The following TG variants were observed in gnomAD, a reference collection of about 807,000 sequenced individuals.
The protein encoded by TG is thyroid hormones.
In TG, 270 loss-of-function variants were observed where a neutral mutation model predicts 324.7. The observed-to-expected ratio is 0.83, with a 90% CI of 0.75 to 0.92. The LOEUF (loss-of-function observed/expected upper bound fraction) is 0.92. Ranked by LOEUF, TG falls within the 40% of genes least tolerant of loss-of-function variation. TG has a pLI of 0.00. For synonymous variants in TG, 1,401 were observed against 1,327.0 expected, an observed-to-expected ratio of 1.06 and a Z score of -1.21; for missense variants, 3,591 against 3,456.4, an observed-to-expected ratio of 1.04 and a Z score of -0.98.
intron 26 of TG, among the ~76,000 whole-genome samples, chr8:132,945,669 T>C (rs991715585): frequency 1.3e-5 from 2 of 152,038 alleles, no homozygotes; most frequent in Non-Finnish European, 2.9e-5. Context: ...TAAAGGGGGA[T>C]GGAGCTGATC....
Position 132,877,626 on chromosome 8 carries a change from G to T in TG, c.639-4237G>T, listed in dbSNP as rs1295201822. Among the ~76,000 whole-genome samples the T allele has an allele frequency of 3.3e-5, 5 of 152,184 alleles. No homozygotes were observed. The South Asian group carries it at 1.0e-3, about 31-fold the overall frequency. On this transcript the variant is annotated intron_variant, in intron 5 of 47. Transcript: ENST00000220616. ...GATGCCCAGTGGAGACCAGAATTTC[G>T]CATTCCTCTGAGCCTTGGTTGTAAT... is the stretch of plus-strand genomic sequence containing the variant.
At position 132,873,053 on chromosome 8, in the gene TG, A is replaced by C; in HGVS notation, c.479-9A>C. The stretch of plus-strand genomic sequence containing the variant: ...TATATAAGGATTTTTTTTTCGTGAA[A>C]ATGTTTAGGTCCAAGGAGCTGTGAA... On this transcript the variant is annotated splice_polypyrimidine_tract_variant and intron_variant, in intron 4 of 47. Transcript: ENST00000220616. 1.9e-6 allele frequency: 3 copies of C among 1,613,910 alleles called. No individual in the cohort carries two copies. Among genetic ancestry groups the C allele is most frequent in the Non-Finnish European group, 2.5e-6 (3 of 1,179,950 alleles).
Position 132,936,709 on chromosome 8 carries a change from G to A in TG, c.5041+845G>A, listed in dbSNP as rs541926859. ...CCCTGGAATCCTGAGGTCTGCGCTC[G>A]CTCTTCTGCCCCACCCTGCTCACCC... On this transcript the variant is annotated intron_variant, in intron 25 of 47. Coordinates refer to ENST00000220616, the MANE Select transcript of TG (RefSeq NM_003235.5). Among the ~76,000 whole-genome samples the A allele has an allele frequency of 1.6e-4, 24 of 152,272 alleles. No individual in the cohort carries two copies. In the South Asian group the frequency reaches 3.1e-3, roughly 20 times the overall value.
chr8:132,873,102 C>T lies in TG; in HGVS notation c.519C>T (p.His173=), dbSNP rs746600614. The change falls in exon 5 of 48, where the codon CAC becomes CAT. Residue 173 remains histidine, a synonymous_variant. Coordinates refer to ENST00000220616, the MANE Select transcript of TG (RefSeq NM_003235.5). ...SCEIRNRRLL[H]GVGDKSPPQC... ...AAATAAGAAATCGTCGTCTTCTCCA[C>T]GGGGTGGGAGATAAGTCACCACCCC... 5.1e-5 allele frequency: 82 copies of T among 1,614,026 alleles called. No homozygotes were observed. In the Middle Eastern group the frequency reaches 8.2e-4, roughly 16 times the overall value.
chr8:132,988,181 CTGCAGTGGGA>C (rs1243918359), intron 35 of TG, among the ~76,000 whole-genome samples: 1 of 152,010 alleles, frequency 6.6e-6, no homozygotes, highest in Non-Finnish European at 1.5e-5. Context: ...TGTTCCTAGG[CTGCAGTGGGA>C]TACTGACAAG....
chr8:133,087,345 A>G (rs1846755843), intron 41 of TG, among the ~76,000 whole-genome samples: 1 of 152,214 alleles, frequency 6.6e-6, no homozygotes, highest in African/African-American at 2.4e-5. Flanking sequence ...TTTCTAGAGT[A>G]TGAAAAGGAT....
intron 27 of TG, among the ~76,000 whole-genome samples, chr8:132,956,953 C>T (rs192769279): frequency 1.8e-4 from 28 of 152,040 alleles, no homozygotes; most frequent in South Asian, 1.2e-3. Context: ...GAGTCAAGGA[C>T]GACCCAAGAG....
intron 28 of TG, among the ~76,000 whole-genome samples, chr8:132,962,194 AC>A (rs1482234392): frequency 6.6e-6 from 1 of 152,132 alleles, no homozygotes; most frequent in Non-Finnish European, 1.5e-5. Flanking sequence ...GAAGGTGTTT[AC>A]CATCATTTTC....
At chr8:133,043,289 C>T (rs372889809) in intron 41 of TG, among the ~76,000 whole-genome samples, 1 of 152,072 alleles carries the variant, frequency 6.6e-6, no homozygotes, top group Non-Finnish European at 1.5e-5. Flanking sequence ...TTTGCTAGGA[C>T]AGCATCCTTC....
intron 41 of TG, among the ~76,000 whole-genome samples, chr8:133,071,038 CT>C (rs1331331729): frequency 6.6e-6 from 1 of 152,226 alleles, no homozygotes; most frequent in African/African-American, 2.4e-5. Flanking sequence ...TCACTTTCCT[CT>C]TTTGGTGTCA....
intron 43 of TG, among the ~76,000 whole-genome samples, chr8:133,111,370 A>G (rs1218449895): frequency 6.6e-6 from 1 of 152,244 alleles, no homozygotes; most frequent in African/African-American, 2.4e-5. Flanking sequence ...TCACCTTGTT[A>G]TTTTGATGCT....
chr8:132,974,646 C>T (rs1829974708), intron 34 of TG, among the ~76,000 whole-genome samples: 1 of 152,194 alleles, frequency 6.6e-6, no homozygotes, highest in Non-Finnish European at 1.5e-5. Context: ...GTCTAGATAC[C>T]TTTCCTGACT....
intron 19 of TG, among the ~76,000 whole-genome samples, 196 bp downstream of exon 19, chr8:132,911,729 A>T (rs1486507166): frequency 6.6e-6 from 1 of 152,244 alleles, no homozygotes; most frequent in East Asian, 1.9e-4. Context: ...AATAATGTCA[A>T]CAAAGAGCCT....
rs1328006666 is a variant in TG at position 132,958,339 on chromosome 8, ATATC to A, written c.5402-2655_5402-2652del. On this transcript the variant is annotated intron_variant, in intron 27 of 47. Transcript: ENST00000220616. ...CTCTCTATATGTATCTACATATGGC[ATATC>A]TATCTATCTATCTGTCTATCTATCT... is the stretch of plus-strand genomic sequence containing the variant. Among the ~76,000 whole-genome samples, 115 of 144,068 alleles carry A rather than the reference ATATC, an allele frequency of 8.0e-4. 1 individual carries two copies. The highest frequency in any genetic ancestry group is 2.7e-3 in the African/African-American group (105 of 38,674). 94.5% of individuals were successfully genotyped at this position (144,068 alleles called of 152,430 possible).
intron 20 of TG, among the ~76,000 whole-genome samples, chr8:132,913,784 A>G (rs188351589): frequency 1.1e-3 from 161 of 152,340 alleles, no homozygotes; most frequent in Middle Eastern, 0.01. Context: ...TGTTGCTACC[A>G]TAGTAAATGA....
chr8:132,915,633 C>T (rs892711707), intron 20 of TG, among the ~76,000 whole-genome samples: 9 of 152,104 alleles, frequency 5.9e-5, no homozygotes, highest in East Asian at 1.9e-4. Context: ...GGCCAGATGG[C>T]GATGTTTTAG....
rs1339239695 is a variant in TG, at chr8:132,900,334, C to T, written c.3428C>T (p.Ala1143Val). The part of the protein sequence containing the change: ...EELRPGSSSS[A>V]QCPSLCNVLK... The stretch of plus-strand genomic sequence containing the variant: ...TTGCGGCCTGGCTCGAGCAGCAGTG[C>T]CCAGTGTGAGTAGCAGCCCCTCCTG... The change falls in exon 15 of 48, where the codon GCC becomes GTC. Residue 1143 changes from alanine (A) to valine (V), a missense_variant. By Grantham distance (64) the Ala-to-Val change is moderately conservative (BLOSUM62 0). Transcript: ENST00000220616. 1 of 1,611,704 alleles carries T rather than the reference C, an allele frequency of 6.2e-7. No individual in the cohort carries two copies. Among genetic ancestry groups the T allele is most frequent in the Non-Finnish European group, 8.5e-7 (1 of 1,179,198 alleles).
chr8:133,075,043 CT>C (rs780845522), intron 41 of TG: 2 of 985,324 alleles, frequency 2.0e-6, no homozygotes, highest in Non-Finnish European at 2.4e-6. Context: ...CATACTTCCT[CT>C]GCTAGGAACG....
chr8:133,118,496 C>T (rs1473083374), intron 45 of TG, among the ~76,000 whole-genome samples: 10 of 151,892 alleles, frequency 6.6e-5, no homozygotes, highest in Non-Finnish European at 1.5e-5. Context: ...AGCTAATTTT[C>T]GTATTTTTAG....
Sources: allele counts gnomAD v4.1 joint callset (sites outside exome capture counted in the v4.1 genomes callset), GRCh38; gene constraint gnomAD v4.1.1; transcripts MANE v1.5; gene names NCBI Gene and HGNC (gene_info 2026-07-23, HGNC 2026-07-21).